Variants in DNAJC12 observed in about 807,000 individuals in gnomAD.
The protein encoded by DNAJC12 is dnaJ homolog subfamily C member 12.
Under a neutral mutation model 28.5 loss-of-function variants are expected in DNAJC12, and 25 were observed. The ratio of observed to expected loss-of-function variants is 0.88; its 90% CI spans 0.64 to 1.22. The LOEUF is 1.22. Ranked by LOEUF, DNAJC12 falls within the 50% of genes most tolerant of loss-of-function variation. DNAJC12 has a pLI of 0.00. For missense variants in DNAJC12, 222 were observed against 231.7 expected, an observed-to-expected ratio of 0.96 and a Z score of 0.27; for synonymous variants, 77 against 80.6, an observed-to-expected ratio of 0.95 and a Z score of 0.24.
intron 4 of DNAJC12, among the ~76,000 whole-genome samples, chr10:67,804,798 C>A (rs1207231740): frequency 6.6e-6 from 1 of 152,040 alleles, no homozygotes; most frequent in African/African-American, 2.4e-5. Context: ...TTGGGAGGCC[C>A]AGGCAGGAGG....
chr10:67,837,058 C>T (rs1360179062), intron 1 of DNAJC12, among the ~76,000 whole-genome samples: 1 of 151,498 alleles, frequency 6.6e-6, no homozygotes, highest in East Asian at 1.9e-4. Context: ...AATAATTCAA[C>T]TGTGGTAACA....
intron 4 of DNAJC12, among the ~76,000 whole-genome samples, chr10:67,797,950 G>A (rs2131784447): frequency 6.6e-6 from 1 of 151,682 alleles, no homozygotes; most frequent in East Asian, 1.9e-4. Flanking sequence ...TGAGGCAGGA[G>A]AATGGCGTGA....
At chr10:67,837,084 T>C (rs1164703768) in intron 1 of DNAJC12, among the ~76,000 whole-genome samples, 1 of 151,734 alleles carries the variant, frequency 6.6e-6, no homozygotes, top group East Asian at 1.9e-4. Context: ...AAATAAAATA[T>C]TTTGCAACCA....
At chr10:67,813,699 A>T (rs139275448) in intron 2 of DNAJC12, among the ~76,000 whole-genome samples, 3,384 of 151,478 alleles carry the variant, frequency 0.022, 130 homozygotes, top group African/African-American at 0.078. Flanking sequence ...CGGAGGTTGC[A>T]GTGAGCTGAG....
intron 4 of DNAJC12, among the ~76,000 whole-genome samples, chr10:67,797,464 C>CCT (rs1234369209): frequency 1.3e-5 from 2 of 152,116 alleles, no homozygotes; most frequent in Non-Finnish European, 2.9e-5. Flanking sequence ...TACATAGATG[C>CCT]CTCTGGTGGT....
chr10:67,838,086 C>T lies in DNAJC12; in HGVS notation c.-75G>A, dbSNP rs1589053064. The T allele has an allele frequency of 3.0e-6, 3 of 1,010,432 alleles. No homozygotes were observed. The highest frequency in any genetic ancestry group is 4.5e-6 in the Non-Finnish European group (3 of 663,230). The allele number at this position is 1,010,432 out of a possible 1,614,324, so 62.6% of individuals were successfully genotyped here. On this transcript the variant is annotated 5_prime_UTR_variant, in exon 1 of 5. Coordinates refer to ENST00000225171, the MANE Select transcript of DNAJC12 (RefSeq NM_021800.3). Reference sequence around the variant, plus strand: ...AGCTTCGAATTAACAGGAAGAAACTCTTTAAATCTGAATTAGAGCAGCATG... The same window carrying T: ...AGCTTCGAATTAACAGGAAGAAACTTTTTAAATCTGAATTAGAGCAGCATG...
intron 2 of DNAJC12, among the ~76,000 whole-genome samples, chr10:67,816,453 T>C (rs1156906138): frequency 2.6e-5 from 4 of 151,690 alleles, no homozygotes; most frequent in African/African-American, 9.7e-5. Flanking sequence ...GACAAATTGC[T>C]CCCCTTCTTC....
rs141625799 is a variant in DNAJC12, at chr10:67,812,076, C to T, written c.158-413G>A. 2.1e-3 allele frequency among the ~76,000 whole-genome samples: 317 copies of T among 151,974 alleles called. 1 individual carries two copies. The highest frequency in any genetic ancestry group is 7.4e-3 in the African/African-American group (305 of 41,466). On this transcript the variant is annotated intron_variant, in intron 2 of 4. Coordinates refer to ENST00000225171, the MANE Select transcript of DNAJC12 (RefSeq NM_021800.3). ...GCAAGAGGGACAGTAAAACTGAAGA[C>T]TATAAAGACTATAAAACTGAAGACT...
chr10:67,818,749 G>A (rs1341329353), intron 2 of DNAJC12, among the ~76,000 whole-genome samples: 1 of 151,670 alleles, frequency 6.6e-6, no homozygotes, highest in African/African-American at 2.4e-5. Context: ...ATCTGCTCCC[G>A]GGTTCATGCG....
chr10:67,800,980 A>G (rs1440848818), intron 4 of DNAJC12, among the ~76,000 whole-genome samples: 24 of 152,144 alleles, frequency 1.6e-4, no homozygotes, highest in Admixed American at 1.6e-3. Context: ...TTACTCCAAG[A>G]TGTTACACAA....
At chr10:67,834,924 T>C (rs1842128242) in intron 1 of DNAJC12, among the ~76,000 whole-genome samples, 1 of 152,236 alleles carries the variant, frequency 6.6e-6, no homozygotes, top group South Asian at 2.1e-4. Flanking sequence ...TATATTGTTT[T>C]CTATATAACA....
At chr10:67,803,852 G>C (rs575795613) in intron 4 of DNAJC12, among the ~76,000 whole-genome samples, 1 of 152,312 alleles carries the variant, frequency 6.6e-6, no homozygotes, top group East Asian at 1.9e-4. Flanking sequence ...ACCATTTCCA[G>C]TTACTGGGTG....
At chr10:67,831,944 T>C (rs905710946) in intron 1 of DNAJC12, among the ~76,000 whole-genome samples, 3 of 152,198 alleles carry the variant, frequency 2.0e-5, no homozygotes, top group African/African-American at 7.2e-5. Flanking sequence ...GTGATGGAAA[T>C]TCATATGATG....
chr10:67,816,122 T>A, intron 2 of DNAJC12: 1 of 398,486 alleles, frequency 2.5e-6, no homozygotes, highest in Non-Finnish European at 4.4e-6. Context: ...CTGATTTAAC[T>A]CCTGGGTCTA....
intron 3 of DNAJC12, 82 bp downstream of exon 3, chr10:67,811,442 G>C (rs1216349982): frequency 1.3e-6 from 2 of 1,577,006 alleles, no homozygotes; most frequent in Non-Finnish European, 1.7e-6. Flanking sequence ...ATCGCCTAAT[G>C]ACTCTTTAAG....
At chr10:67,819,670 G>T (rs1388307732) in intron 2 of DNAJC12, among the ~76,000 whole-genome samples, 1 of 6,144 alleles carries the variant, frequency 1.6e-4, no homozygotes, top group African/African-American at 5.9e-4. Context: ...GAGAAAGAAA[G>T]AAAGAAAGAA....
At chr10:67,818,792 A>G (rs1283640481) in intron 2 of DNAJC12, among the ~76,000 whole-genome samples, 1 of 151,840 alleles carries the variant, frequency 6.6e-6, no homozygotes, top group Admixed American at 6.6e-5. Flanking sequence ...AGTAGCTGGG[A>G]TTACAGGCAT....
intron 2 of DNAJC12, among the ~76,000 whole-genome samples, chr10:67,817,742 G>GT (rs1841930398): frequency 6.6e-6 from 1 of 151,100 alleles, no homozygotes; most frequent in African/African-American, 2.4e-5. Flanking sequence ...GCTGGGCGTG[G>GT]TGGCACACAC....
chr10:67,828,187 G>A (rs182660370), intron 1 of DNAJC12, among the ~76,000 whole-genome samples: 18 of 152,202 alleles, frequency 1.2e-4, no homozygotes, highest in Admixed American at 9.2e-4. Context: ...CTGAGAGTGC[G>A]AAGAAATTAA....
Sources: gnomAD v4.1 joint callset for allele counts (sites outside exome capture counted in the v4.1 genomes callset) on GRCh38, gnomAD v4.1.1 for gene constraint, MANE v1.5 for transcripts, NCBI Gene and HGNC (gene_info 2026-07-23, HGNC 2026-07-21) for gene names.